The following TAOK1 variants were observed in gnomAD, a reference collection of about 807,000 sequenced individuals.
The protein encoded by TAOK1 is serine/threonine-protein kinase TAO1.
Under a neutral mutation model 138.3 loss-of-function variants are expected in TAOK1, and 21 were observed. The ratio of observed to expected loss-of-function variants is 0.15; its 90% CI spans 0.11 to 0.22. TAOK1 has a LOEUF of 0.22. TAOK1 is among the 10% of genes least tolerant of loss of function. The probability of loss-of-function intolerance (pLI) is 1.00; values close to 1 mark genes in which losing one functional copy is unlikely to be tolerated. For synonymous variants in TAOK1, 361 were observed against 398.4 expected, an observed-to-expected ratio of 0.91 and a Z score of 1.12; for missense variants, 651 against 1,227.7, an observed-to-expected ratio of 0.53 and a Z score of 7.02.
chr17:29,494,775 G>T (rs1216444821), intron 10 of TAOK1, among the ~76,000 whole-genome samples: 3 of 140,398 alleles, frequency 2.1e-5, no homozygotes, highest in African/African-American at 5.4e-5. Context: ...GCAGTGAGCC[G>T]CAATCGCGCC....
In TAOK1 at chr17:29,517,623, G is replaced by C; in HGVS notation, c.1875G>C (p.Gly625=). The C allele has an allele frequency of 6.2e-7, 1 of 1,612,678 alleles. No individual in the cohort carries two copies. The highest frequency in any genetic ancestry group is 1.3e-5 in the African/African-American group (1 of 75,028). The change falls in exon 16 of 20, where the codon GGG becomes GGC. Residue 625 remains glycine (G), a synonymous_variant. Transcript: ENST00000261716. The part of the protein sequence containing the change: ...CRRFKRRMLL[G]RHNLEQDLVR... ...GCTTCAAGAGAAGAATGTTACTTGG[G>C]CGTCATAACTTAGAGCAGGACCTTG... is the stretch of plus-strand genomic sequence containing the variant.
chr17:29,505,985 A>G (rs1430985114), intron 13 of TAOK1, among the ~76,000 whole-genome samples: 2 of 152,208 alleles, frequency 1.3e-5, no homozygotes, highest in African/African-American at 4.8e-5. Context: ...AAGTATTGGC[A>G]AAAAGGGGAA....
At chr17:29,536,226 G>T (rs2032218575) in intron 19 of TAOK1, among the ~76,000 whole-genome samples, 1 of 152,066 alleles carries the variant, frequency 6.6e-6, no homozygotes, top group Non-Finnish European at 1.5e-5. Flanking sequence ...TTGAATCTGG[G>T]AGGCAGAGGT....
In TAOK1 at chr17:29,509,619, T is replaced by C. The variant is rs563639576; in HGVS notation, c.1576-1245T>C. On this transcript the variant is annotated intron_variant, in intron 14 of 19. Transcript: ENST00000261716. ...TTTAAAAGTATATAACCAGGATGGG[T>C]GCAGTGGCTCACACCTGTAATCCCA... Among the ~76,000 whole-genome samples the C allele has an allele frequency of 4.6e-5, 7 of 152,050 alleles. No homozygotes were observed. The East Asian group carries it at 1.4e-3, about 30-fold the overall frequency.
At chr17:29,494,911 GCTAA>G (rs2031382991) in intron 10 of TAOK1, among the ~76,000 whole-genome samples, 1 of 151,108 alleles carries the variant, frequency 6.6e-6, no homozygotes, top group Non-Finnish European at 1.5e-5. Context: ...GAATTTACAT[GCTAA>G]CTATGTATCT....
chr17:29,475,055 C>G (rs1186504940), intron 3 of TAOK1, among the ~76,000 whole-genome samples: 1 of 152,008 alleles, frequency 6.6e-6, no homozygotes, highest in Admixed American at 6.6e-5. Flanking sequence ...ATTCTCCTGC[C>G]TCAGCCTCCC....
At chr17:29,448,854 A>C (rs1346911879) in intron 1 of TAOK1, among the ~76,000 whole-genome samples, 1 of 152,208 alleles carries the variant, frequency 6.6e-6, no homozygotes, top group Non-Finnish European at 1.5e-5. Context: ...AAAATGAATG[A>C]GACACATTGT....
chr17:29,492,821 G>T (rs1300474897), intron 10 of TAOK1, among the ~76,000 whole-genome samples: 1 of 151,536 alleles, frequency 6.6e-6, no homozygotes, highest in African/African-American at 2.4e-5. Flanking sequence ...TAAATATAAG[G>T]TTTTATGTTT....
At chr17:29,397,126 C>G (rs1904632844) in intron 1 of TAOK1, among the ~76,000 whole-genome samples, 1 of 148,130 alleles carries the variant, frequency 6.8e-6, no homozygotes, top group Non-Finnish European at 1.5e-5. Flanking sequence ...GAAACCTCGT[C>G]TCTACTAAAA....
intron 2 of TAOK1, 154 bp downstream of exon 2, chr17:29,451,834 G>GT: frequency 1.5e-6 from 1 of 673,664 alleles, no homozygotes; most frequent in Non-Finnish European, 2.3e-6. Flanking sequence ...GAGAGCGTGG[G>GT]TGAGTGTGTG....
intron 1 of TAOK1, among the ~76,000 whole-genome samples, chr17:29,424,048 CAA>C (rs34530466): frequency 0.44 from 49,246 of 112,904 alleles, 9,240 homozygotes; most frequent in East Asian, 0.83. Context: ...GACCCTGTCT[CAA>C]AAAAAAAAAA....
chr17:29,477,124 C>T (rs1186124655), intron 4 of TAOK1, among the ~76,000 whole-genome samples: 1 of 152,126 alleles, frequency 6.6e-6, no homozygotes, highest in Non-Finnish European at 1.5e-5. Context: ...GGATTATAGG[C>T]ATGAGCCACC....
chr17:29,431,743 A>T (rs935671591), intron 1 of TAOK1, among the ~76,000 whole-genome samples: 6 of 151,430 alleles, frequency 4.0e-5, no homozygotes, highest in African/African-American at 9.7e-5. Flanking sequence ...TGGTTCAAGC[A>T]ATTCTGCCTC....
intron 1 of TAOK1, among the ~76,000 whole-genome samples, chr17:29,420,733 G>C (rs554633715): frequency 6.6e-6 from 1 of 151,886 alleles, no homozygotes; most frequent in South Asian, 2.1e-4. Context: ...TTACAGGCAT[G>C]CGCCAGCATG....
chr17:29,505,704 A>G (rs1001851693), intron 13 of TAOK1, among the ~76,000 whole-genome samples: 2 of 151,760 alleles, frequency 1.3e-5, no homozygotes, highest in African/African-American at 4.8e-5. Flanking sequence ...CTTCGTCTCA[A>G]AAAATAAAAA....
At chr17:29,542,039 G>A (rs922105624) in intron 19 of TAOK1, among the ~76,000 whole-genome samples, 30 of 151,668 alleles carry the variant, frequency 2.0e-4, no homozygotes, top group Admixed American at 1.8e-3. Flanking sequence ...CACCATGCCC[G>A]GCTAATTTTT....
chr17:29,398,133 A>T (rs955722998), intron 1 of TAOK1, among the ~76,000 whole-genome samples: 2 of 152,000 alleles, frequency 1.3e-5, no homozygotes, highest in African/African-American at 2.4e-5. Context: ...CATCCCAAAG[A>T]GCTGGGATTA....
intron 2 of TAOK1, among the ~76,000 whole-genome samples, chr17:29,457,730 C>G (rs1436146475): frequency 6.6e-6 from 1 of 151,886 alleles, no homozygotes; most frequent in Non-Finnish European, 1.5e-5. Flanking sequence ...TAAGTGCCAT[C>G]CAAACAATGC....
intron 16 of TAOK1, 21 bp downstream of exon 16, chr17:29,517,677 AT>A (rs770872497): frequency 3.8e-6 from 6 of 1,578,022 alleles, no homozygotes; most frequent in Non-Finnish European, 5.1e-6. Context: ...GTGATGAGAA[AT>A]TTTAAATCCT....
Sources: gnomAD v4.1 joint callset for allele counts (sites outside exome capture counted in the v4.1 genomes callset) on GRCh38, gnomAD v4.1.1 for gene constraint, MANE v1.5 for transcripts, NCBI Gene and HGNC (gene_info 2026-07-23, HGNC 2026-07-21) for gene names.